USP54: variants seen among roughly 807,000 people sequenced by gnomAD.
The protein encoded by USP54 is ubiquitin carboxyl-terminal hydrolase 54.
USP54 carries 87 observed loss-of-function variants against 170.5 expected under a neutral mutation model. The observed-to-expected ratio is 0.51, with a 90% confidence interval of 0.43 to 0.61. The LOEUF (loss-of-function observed/expected upper bound fraction) is 0.61. Ranked by LOEUF, USP54 falls within the 20% of genes least tolerant of loss-of-function variation. USP54 has a pLI of 0.00. For missense variants in USP54, 1,786 were observed against 2,047.8 expected, an observed-to-expected ratio of 0.87 and a Z score of 2.47; for synonymous variants, 655 against 742.8, an observed-to-expected ratio of 0.88 and a Z score of 1.92.
At chr10:73,612,005 G>A (rs2080187530) in intron 1 of USP54, among the ~76,000 whole-genome samples, 1 of 151,724 alleles carries the variant, frequency 6.6e-6, no homozygotes, top group African/African-American at 2.4e-5. Flanking sequence ...CAGCTACTCG[G>A]GAGGCTGAGG....
chr10:73,528,021 C>T (rs1042763866), intron 15 of USP54, among the ~76,000 whole-genome samples: 2 of 151,940 alleles, frequency 1.3e-5, no homozygotes, highest in Admixed American at 6.6e-5. Context: ...CTGCAAACTC[C>T]GCCTCCCGGG....
intron 1 of USP54, among the ~76,000 whole-genome samples, chr10:73,596,365 G>A (rs2078730537): frequency 6.6e-6 from 1 of 152,078 alleles, no homozygotes; most frequent in Non-Finnish European, 1.5e-5. Context: ...AGACCATCCT[G>A]GCTAACATAG....
intron 1 of USP54, chr10:73,611,739 G>A (rs113490329): frequency 0.035 from 5,349 of 152,144 alleles, 153 homozygotes; most frequent in South Asian, 0.11. Context: ...GGAGGTTGCA[G>A]TGAGTAGAGA....
intron 20 of USP54, among the ~76,000 whole-genome samples, chr10:73,508,609 T>G (rs566404918): frequency 4.6e-4 from 70 of 152,182 alleles, no homozygotes; most frequent in Admixed American, 1.6e-3. Flanking sequence ...TGTATCTGAT[T>G]TTAATTGAGC....
intron 16 of USP54, among the ~76,000 whole-genome samples, chr10:73,525,155 C>T (rs575299211): frequency 6.6e-6 from 1 of 152,276 alleles, no homozygotes; most frequent in East Asian, 1.9e-4. Context: ...ATAAACTTAT[C>T]TATGTACTTG....
chr10:73,599,553 G>A (rs960258309), intron 1 of USP54, among the ~76,000 whole-genome samples: 2 of 152,070 alleles, frequency 1.3e-5, no homozygotes, highest in Non-Finnish European at 1.5e-5. Context: ...CTCAAAGACA[G>A]TGGCTCTGAG....
intron 7 of USP54, 35 bp downstream of exon 7, chr10:73,542,768 C>T: frequency 1.3e-6 from 2 of 1,587,426 alleles, no homozygotes; most frequent in Non-Finnish European, 1.7e-6. Context: ...TGGAGGAATG[C>T]CTAAACGCAC....
In USP54 at chr10:73,517,308, G is replaced by A; in HGVS notation, c.3118C>T (p.Pro1040Ser). 6.2e-7 allele frequency: 1 copy of A among 1,612,764 alleles called. No individual in the cohort carries two copies. ...CCCCTCTCAGAGGTGGCTATTCCAG[G>A]CATCACCGGGGAGGGGTTAGCAGGA... ...KDPANPSPVM[P>S]GIATSERGDE... is the part of the protein sequence containing the mutation. Residue 1040 changes from proline to serine, a missense_variant, in exon 20 of 24, where the codon CCT becomes TCT. Transcript: ENST00000687698.
In USP54 at chr10:73,624,175, TATATATATATATATATATA is replaced by T. The variant is rs2081302663; in HGVS notation, c.-18+1373_-18+1391del. Among the ~76,000 whole-genome samples the T allele has an allele frequency of 7.7e-5, 9 of 116,602 alleles. No homozygotes were observed. In the East Asian group the frequency reaches 1.0e-3, roughly 13 times the overall value. 76.5% of individuals were successfully genotyped at this position (116,602 alleles called of 152,430 possible). ...TTTAAAAGCCATATATATATATATA[TATATATATATATATATATA>T]TGTATTTTTTTTTTTTTTTTTGAGA... On this transcript the variant is annotated intron_variant, in intron 1 of 22. Transcript: ENST00000339859.
intron 15 of USP54, 27 bp from the exon 16 acceptor site, chr10:73,526,807 G>GA: frequency 6.2e-7 from 1 of 1,609,434 alleles, no homozygotes; most frequent in South Asian, 1.1e-5. Flanking sequence ...AGAGTCTAGT[G>GA]AAAGCATGAA....
chr10:73,523,883 ATTATT>A, intron 16 of USP54, 133 bp from the exon 17 acceptor site: 1 of 140,306 alleles, frequency 7.1e-6, no homozygotes, highest in African/African-American at 3.0e-5. Flanking sequence ...TTTATTATTT[ATTATT>A]ATTATTATTA....
intron 4 of USP54, among the ~76,000 whole-genome samples, chr10:73,568,500 A>T (rs2074335014): frequency 6.6e-6 from 1 of 152,208 alleles, no homozygotes; most frequent in African/African-American, 2.4e-5. Flanking sequence ...AATTAAAAGA[A>T]TAGAAACAAC....
chr10:73,523,175 G>C (rs962397661), intron 17 of USP54, among the ~76,000 whole-genome samples: 2 of 152,134 alleles, frequency 1.3e-5, no homozygotes, highest in African/African-American at 4.8e-5. Context: ...CTCCTGTTTG[G>C]CAGATCCACT....
In USP54 at chr10:73,575,536, G is replaced by A; in HGVS notation, c.123C>T (p.Ser41=). 3 of 1,612,456 alleles carry A rather than the reference G, an allele frequency of 1.9e-6. No homozygotes were observed. Among genetic ancestry groups the A allele is most frequent in the Non-Finnish European group, 2.5e-6 (3 of 1,179,502 alleles). Residue 41 remains serine, a synonymous_variant, in exon 3 of 24, where the codon AGC becomes AGT. Transcript: ENST00000687698. ...KGLSNEPGQN[S]CFLNSALQVL... ...CCTGCAGGGCACTGTTGAGGAAGCAGCTGTTTTGCCCTGGCTCATTGCTGA... is the reference window on the plus strand; with the variant it reads ...CCTGCAGGGCACTGTTGAGGAAGCAACTGTTTTGCCCTGGCTCATTGCTGA...
At chr10:73,603,478 G>A (rs1294485110) in intron 1 of USP54, among the ~76,000 whole-genome samples, 2 of 152,182 alleles carry the variant, frequency 1.3e-5, no homozygotes, top group African/African-American at 4.8e-5. Flanking sequence ...ACTTTGGGTG[G>A]CCAAGGCGGG....
chr10:73,600,908 C>CT (rs2079119084), intron 1 of USP54, among the ~76,000 whole-genome samples: 1 of 152,100 alleles, frequency 6.6e-6, no homozygotes, highest in African/African-American at 2.4e-5. Flanking sequence ...GAGTGAAACT[C>CT]TATCTCAAAA....
intron 9 of USP54, 61 bp downstream of exon 9, chr10:73,541,314 C>G: frequency 1.2e-6 from 2 of 1,605,566 alleles, no homozygotes; most frequent in Non-Finnish European, 1.7e-6. Flanking sequence ...GTGCTCACTG[C>G]TCCTAAGCAA....
chr10:73,528,079 G>C (rs1175667090), intron 15 of USP54, among the ~76,000 whole-genome samples: 1 of 151,818 alleles, frequency 6.6e-6, no homozygotes, highest in Non-Finnish European at 1.5e-5. Context: ...GGGACTAGAG[G>C]TGCGCGCCAC....
intron 1 of USP54, among the ~76,000 whole-genome samples, chr10:73,580,093 G>T (rs1043330544): frequency 2.6e-5 from 4 of 152,082 alleles, no homozygotes; most frequent in Non-Finnish European, 5.9e-5. Flanking sequence ...GGAGGCTGAG[G>T]CGGGTGGATC....
Sources: gnomAD v4.1 joint callset for allele counts (sites outside exome capture counted in the v4.1 genomes callset) on GRCh38, gnomAD v4.1.1 for gene constraint, MANE v1.5 for transcripts, NCBI Gene and HGNC (gene_info 2026-07-23, HGNC 2026-07-21) for gene names.